The following CNRIP1 variants were observed in gnomAD, a reference collection of about 807,000 sequenced individuals.
CNRIP1 encodes CB1 cannabinoid receptor-interacting protein 1.
In CNRIP1, 10 loss-of-function variants were observed where a neutral mutation model predicts 15.2. The ratio of observed to expected loss-of-function variants is 0.66; its 90% CI spans 0.41 to 1.12. The LOEUF (loss-of-function observed/expected upper bound fraction) is 1.12, where lower values mean the gene tolerates loss of function less well. Among genes scored for constraint, CNRIP1 ranks in the 50% most tolerant of loss-of-function variants. The pLI, the probability that CNRIP1 is intolerant of heterozygous loss-of-function variation, is 0.00. For synonymous variants in CNRIP1, 91 were observed against 83.2 expected (o/e 1.09, Z -0.51); for missense variants, 211 against 214.7 (o/e 0.98, Z 0.11).
chr2:68,307,500 TTATTTTG>T (rs1436982614), intron 2 of CNRIP1, among the ~76,000 whole-genome samples: 1 of 152,172 alleles, frequency 6.6e-6, no homozygotes, highest in African/African-American at 2.4e-5. Flanking sequence ...TTTTTATTTT[TTATTTTG>T]TAGAAATAGG....
intron 2 of CNRIP1, among the ~76,000 whole-genome samples, chr2:68,298,497 G>T (rs566013866): frequency 1.3e-5 from 2 of 152,046 alleles, no homozygotes; most frequent in African/African-American, 4.8e-5. Flanking sequence ...CAAGAAAAAC[G>T]TAAGGCTTAT....
chr2:68,318,012 TAAA>T (rs78781299), intron 1 of CNRIP1, among the ~76,000 whole-genome samples: 1 of 135,262 alleles, frequency 7.4e-6, no homozygotes, highest in Non-Finnish European at 1.6e-5. Context: ...AGGAATACTC[TAAA>T]AAAAAAAAAA....
At chr2:68,303,832 T>C (rs900339724) in intron 2 of CNRIP1, among the ~76,000 whole-genome samples, 1 of 152,178 alleles carries the variant, frequency 6.6e-6, no homozygotes, top group African/African-American at 2.4e-5. Flanking sequence ...ATCCCAGGAC[T>C]TTGGGAAGCC....
intron 2 of CNRIP1, among the ~76,000 whole-genome samples, chr2:68,302,391 A>G (rs1211405149): frequency 1.3e-5 from 2 of 152,174 alleles, no homozygotes; most frequent in Admixed American, 1.3e-4. Context: ...AAGAGGGCCA[A>G]CAAAAGGGAT....
chr2:68,309,320 C>A (rs544765729), intron 2 of CNRIP1, among the ~76,000 whole-genome samples: 1 of 152,104 alleles, frequency 6.6e-6, no homozygotes, highest in Non-Finnish European at 1.5e-5. Context: ...CAATAAAACC[C>A]CCAAAAGGCA....
At chr2:68,309,857 C>T (rs913391178) in intron 2 of CNRIP1, among the ~76,000 whole-genome samples, 10 of 152,164 alleles carry the variant, frequency 6.6e-5, no homozygotes, top group Admixed American at 5.2e-4. Context: ...ACATGGACAC[C>T]CTACAGGGGC....
intron 2 of CNRIP1, among the ~76,000 whole-genome samples, chr2:68,285,836 C>T (rs1671019051): frequency 6.6e-6 from 1 of 152,100 alleles, no homozygotes; most frequent in African/African-American, 2.4e-5. Flanking sequence ...GGATACAGAA[C>T]AGTTCCATCG....
chr2:68,293,572 A>G lies in CNRIP1; in HGVS notation c.*290T>C. On this transcript the variant is annotated 3_prime_UTR_variant, in exon 3 of 3. Coordinates refer to ENST00000263655, the MANE Select transcript of CNRIP1 (RefSeq NM_015463.3). ...AGAGCAGGACAAGCCTGCCAGGGCC[A>G]CTGAACTCCAGTCACAAGTGGTCAA... The G allele has an allele frequency of 8.3e-6, 9 of 1,086,706 alleles. No individual in the cohort carries two copies. The highest frequency in any genetic ancestry group is 3.7e-5 in the South Asian group (1 of 27,296). The allele number at this position is 1,086,706 out of a possible 1,614,324, so 67.3% of individuals were successfully genotyped here. A position where few individuals can be genotyped will look rare whatever the true frequency, so the allele number is the denominator to read the frequency against.
intron 2 of CNRIP1, among the ~76,000 whole-genome samples, chr2:68,313,855 A>G (rs949995961): frequency 6.6e-6 from 1 of 152,116 alleles, no homozygotes; most frequent in East Asian, 1.9e-4. Context: ...AAAAGGTTCT[A>G]TATCATCCAA....
rs112601365 is a variant in CNRIP1 at position 68,297,567 on chromosome 2, CAAAAAAAAAAAAAAAAAAAA to C, written c.331-3561_331-3542del. On this transcript the variant is annotated intron_variant, in intron 2 of 2. Coordinates refer to ENST00000263655, the MANE Select transcript of CNRIP1 (RefSeq NM_015463.3). ...TGGGCAACAGGGCAAGACACTGTCT[CAAAAAAAAAAAAAAAAAAAA>C]AAAAAAAAAAAAGGAAAAAATGACT... Among the ~76,000 whole-genome samples the C allele has an allele frequency of 7.0e-4, 69 of 98,886 alleles. 1 individual carries two copies. The highest frequency in any genetic ancestry group is 9.3e-4 in the East Asian group (4 of 4,294). 64.9% of individuals were successfully genotyped at this position (98,886 alleles called of 152,430 possible).
exon 3 of CNRIP1, chr2:68,284,444 T>C (rs1412690858): frequency 1.3e-6 from 2 of 1,532,116 alleles, no homozygotes; most frequent in South Asian, 1.2e-5. Flanking sequence ...TTCACATTCA[T>C]ATGTAAGAGA....
intron 2 of CNRIP1, among the ~76,000 whole-genome samples, chr2:68,305,244 CAAAAA>C (rs60243249): frequency 0.12 from 11,146 of 91,084 alleles, 987 homozygotes; most frequent in African/African-American, 0.24. Flanking sequence ...AACTCCGTCT[CAAAAA>C]AAAAAAAAAA....
downstream of CNRIP1, among the ~76,000 whole-genome samples, chr2:68,288,219 CA>C (rs1671080125): frequency 6.6e-6 from 1 of 152,082 alleles, no homozygotes. Flanking sequence ...TAAAGCTTTT[CA>C]GAAATAGGAT....
chr2:68,299,953 A>G (rs749465141), intron 2 of CNRIP1, among the ~76,000 whole-genome samples: 7 of 152,210 alleles, frequency 4.6e-5, no homozygotes, highest in Admixed American at 4.6e-4. Flanking sequence ...GGACAGAACA[A>G]TCTTATTCAT....
chr2:68,288,824 G>A (rs1671094438), downstream of CNRIP1, among the ~76,000 whole-genome samples: 1 of 152,174 alleles, frequency 6.6e-6, no homozygotes, highest in Admixed American at 6.5e-5. Context: ...GCAGGAGAGT[G>A]GGCAGGTAAT....
At chr2:68,319,142 G>A in intron 1 of CNRIP1, 80 bp downstream of exon 1, 7 of 1,385,742 alleles carry the variant, frequency 5.1e-6, no homozygotes, top group Non-Finnish European at 6.6e-6. Flanking sequence ...CCCTTGAGAG[G>A]CTCGGGCTGT....
In CNRIP1 at chr2:68,319,920, C is replaced by T. The variant is rs1288437732; in HGVS notation, c.-520G>A. On this transcript the variant is annotated 5_prime_UTR_variant, in exon 1 of 3. Transcript: ENST00000263655. ...AGCGAGACCCCCGGAATCTGGATAC[C>T]GCCTCGGCCAGCTACGTGAGGTGGA... 1 of 152,382 alleles carries T rather than the reference C, an allele frequency of 6.6e-6. No homozygotes were observed. Among genetic ancestry groups the T allele is most frequent in the Non-Finnish European group, 1.5e-5 (1 of 68,202 alleles). 9.4% of individuals were successfully genotyped at this position (152,382 alleles called of 1,614,324 possible).
chr2:68,318,995 C>A (rs1052235823), intron 1 of CNRIP1, among the ~76,000 whole-genome samples: 1 of 152,252 alleles, frequency 6.6e-6, no homozygotes. Flanking sequence ...AAAGAACCCA[C>A]TGAGGTCACT....
chr2:68,305,284 G>GTGTA (rs1671789449), intron 2 of CNRIP1, among the ~76,000 whole-genome samples: 1 of 123,958 alleles, frequency 8.1e-6, no homozygotes, highest in Admixed American at 8.2e-5. Context: ...ATGTGTGTGT[G>GTGTA]TGTGTGTGTG....
Sources: gnomAD v4.1 joint callset for allele counts (sites outside exome capture counted in the v4.1 genomes callset) on GRCh38, gnomAD v4.1.1 for gene constraint, MANE v1.5 for transcripts, NCBI Gene and HGNC (gene_info 2026-07-23, HGNC 2026-07-21) for gene names.